The following EVC variants were observed in gnomAD, a reference collection of about 807,000 sequenced individuals.
EVC encodes the protein evC complex member EVC.
EVC carries 116 observed loss-of-function variants against 118.9 expected under a neutral mutation model. The ratio of observed to expected loss-of-function variants is 0.98; its 90% CI spans 0.84 to 1.14. The LOEUF is 1.14. Ranked by LOEUF, EVC falls within the 50% of genes most tolerant of loss-of-function variation. The probability of loss-of-function intolerance (pLI) is 0.00; values close to 1 mark genes in which losing one functional copy is unlikely to be tolerated. For synonymous variants in EVC, 619 were observed against 534.7 expected (o/e 1.16, Z -2.18); for missense variants, 1,401 against 1,246.4 (o/e 1.12, Z -1.87).
intron 11 of EVC, among the ~76,000 whole-genome samples, chr4:5,778,173 AT>A (rs1197591743): frequency 7.3e-5 from 11 of 151,332 alleles, no homozygotes; most frequent in Non-Finnish European, 1.3e-4. Context: ...TGAACTCATC[AT>A]TTTTTATGGC....
intron 6 of EVC, among the ~76,000 whole-genome samples, chr4:5,744,934 G>A (rs1323139562): frequency 1.3e-5 from 2 of 150,248 alleles, no homozygotes; most frequent in Non-Finnish European, 3.0e-5. Flanking sequence ...ATGATTGAAA[G>A]ATACTATTTT....
At position 5,738,800 on chromosome 4, in the gene EVC, T is replaced by G. The variant is rs1332317175; in HGVS notation, c.703-2916T>G. On this transcript the variant is annotated intron_variant, in intron 5 of 20. Coordinates refer to ENST00000264956, the MANE Select transcript of EVC (RefSeq NM_153717.3). The surrounding 1 kb of genome is among the most constrained non-coding windows in gnomAD (Gnocchi z 6.5). ...CAGGATGGGTCTCAATCTCTTGACC[T>G]TGTGATCCACCTGCCTCCGCCTCCC... is the stretch of plus-strand genomic sequence containing the variant. 6.6e-6 allele frequency among the ~76,000 whole-genome samples: 1 copy of G among 152,030 alleles called. No homozygotes were observed. The highest frequency in any genetic ancestry group is 1.5e-5 in the Non-Finnish European group (1 of 68,006).
chr4:5,734,024 CTG>C (rs901021459), intron 5 of EVC, among the ~76,000 whole-genome samples: 24 of 152,142 alleles, frequency 1.6e-4, no homozygotes, highest in Non-Finnish European at 1.0e-4. Flanking sequence ...GAACTCAGAA[CTG>C]TGGATGTGGG....
chr4:5,811,194 A>C lies in EVC; in HGVS notation c.*157A>C. 1.2e-5 allele frequency: 8 copies of C among 667,488 alleles called. 1 individual carries two copies. In the South Asian group the frequency reaches 1.4e-4, roughly 11 times the overall value. The allele number at this position is 667,488 out of a possible 1,614,324, so 41.3% of individuals were successfully genotyped here. On this transcript the variant is annotated 3_prime_UTR_variant, in exon 21 of 21. Transcript: ENST00000264956. Reference sequence around the variant, plus strand: ...AGAGAAAGAATAGAAATGTGCCCTAAAAGCATAAATGAGTATCACCTGAGA... The same window carrying C: ...AGAGAAAGAATAGAAATGTGCCCTACAAGCATAAATGAGTATCACCTGAGA...
At chr4:5,750,839 G>A (rs1366045884) in intron 8 of EVC, among the ~76,000 whole-genome samples, 3 of 152,140 alleles carry the variant, frequency 2.0e-5, no homozygotes, top group South Asian at 4.1e-4. Context: ...ATAGAAGAGG[G>A]ATGGATTCAC....
At chr4:5,806,486 C>A (rs1489257974) in intron 17 of EVC, among the ~76,000 whole-genome samples, 2 of 152,118 alleles carry the variant, frequency 1.3e-5, no homozygotes. Flanking sequence ...AGAAAATGGC[C>A]TCCAGTTCCA....
Position 5,711,485 on chromosome 4 carries a change from C to T in EVC, c.105C>T (p.Gly35=), listed in dbSNP as rs745558003. The T allele has an allele frequency of 7.2e-6, 8 of 1,106,692 alleles. No homozygotes were observed. Among genetic ancestry groups the T allele is most frequent in the Non-Finnish European group, 8.8e-6 (8 of 910,270 alleles). 68.6% of individuals were successfully genotyped at this position (1,106,692 alleles called of 1,614,324 possible). A position where few individuals can be genotyped will look rare whatever the true frequency, so the allele number is the denominator to read the frequency against. ...PALLAPAVLL[G]AALGLGLGLW... Reference sequence around the variant, plus strand: ...TGCTGGCCCCCGCCGTGCTGCTGGGCGCCGCGCTCGGCCTCGGCCTCGGCC... The same window carrying T: ...TGCTGGCCCCCGCCGTGCTGCTGGGTGCCGCGCTCGGCCTCGGCCTCGGCC... Residue 35 remains glycine (G), a synonymous_variant, in exon 1 of 21, where the codon GGC becomes GGT. Coordinates refer to ENST00000264956, the MANE Select transcript of EVC (RefSeq NM_153717.3).
intron 11 of EVC, among the ~76,000 whole-genome samples, chr4:5,782,924 A>C (rs1269415012): frequency 6.6e-6 from 1 of 152,170 alleles, no homozygotes; most frequent in Non-Finnish European, 1.5e-5. Flanking sequence ...GATGGTTTTG[A>C]GGAGATGCCA....
chr4:5,727,719 G>A (rs556160306), intron 2 of EVC, among the ~76,000 whole-genome samples: 164 of 152,048 alleles, frequency 1.1e-3, no homozygotes, highest in Non-Finnish European at 1.3e-3. Flanking sequence ...TAACGTTTAA[G>A]TCTTTAATCC....
At position 5,797,345 on chromosome 4, in the gene EVC, G is replaced by A. The variant is rs909040386; in HGVS notation, c.2097+113G>A. On this transcript the variant is annotated intron_variant, in intron 14 of 20. Coordinates refer to ENST00000264956, the MANE Select transcript of EVC (RefSeq NM_153717.3). ...AATCCTATCACCCTTGGTGCTGCAG[G>A]GTGCGGTATTCATTCGCCGGGGCTG... 6 of 928,292 alleles carry A rather than the reference G, an allele frequency of 6.5e-6. No individual in the cohort carries two copies. In the South Asian group the frequency reaches 7.0e-5, roughly 11 times the overall value. The allele number at this position is 928,292 out of a possible 1,614,324, so 57.5% of individuals were successfully genotyped here.
At chr4:5,728,922 G>A (rs1260162789) in intron 2 of EVC, among the ~76,000 whole-genome samples, 1 of 152,130 alleles carries the variant, frequency 6.6e-6, no homozygotes, top group South Asian at 2.1e-4. Context: ...GCATTTGTCT[G>A]TTCATCCATC....
chr4:5,740,535 A>T (rs1420303756), intron 5 of EVC, among the ~76,000 whole-genome samples: 1 of 152,104 alleles, frequency 6.6e-6, no homozygotes, highest in Non-Finnish European at 1.5e-5. Context: ...AGACCTAGGC[A>T]AAGAGTTTTT....
chr4:5,802,982 C>T (rs1715273944), intron 16 of EVC, among the ~76,000 whole-genome samples: 1 of 152,152 alleles, frequency 6.6e-6, no homozygotes, highest in Admixed American at 6.5e-5. Context: ...AAGAGACAGA[C>T]ACCTACTTAG....
chr4:5,796,649 C>T (rs1331024839), intron 13 of EVC, among the ~76,000 whole-genome samples: 1 of 152,098 alleles, frequency 6.6e-6, no homozygotes, highest in South Asian at 2.1e-4. Context: ...AAATGTTGAA[C>T]CTCTCTGGCA....
chr4:5,764,730 T>C (rs201398765), intron 11 of EVC, among the ~76,000 whole-genome samples: 50,783 of 141,824 alleles, frequency 0.36, 8,906 homozygotes, highest in Admixed American at 0.46. Flanking sequence ...TTTGTATTTC[T>C]GTGGGATCGG....
chr4:5,728,993 C>T (rs1726324692), intron 2 of EVC, among the ~76,000 whole-genome samples: 1 of 152,106 alleles, frequency 6.6e-6, no homozygotes, highest in African/African-American at 2.4e-5. Context: ...TTCATTCACC[C>T]ATCTGTCTGT....
rs1730087043 is a variant in EVC, at chr4:5,749,886, A to G, written c.1098+1580A>G. Among the ~76,000 whole-genome samples, 1 of 152,042 alleles carries G rather than the reference A, an allele frequency of 6.6e-6. No homozygotes were observed. The highest frequency in any genetic ancestry group is 6.5e-5 in the Admixed American group (1 of 15,268). ...CTCTCCCAATCCGCTCTGCTCCTCC[A>G]GGTGTGATCCACAGACCACAGCATC... On this transcript the variant is annotated intron_variant, in intron 8 of 20. Coordinates refer to ENST00000264956, the MANE Select transcript of EVC (RefSeq NM_153717.3). The surrounding 1 kb of genome is among the most constrained non-coding windows in gnomAD (Gnocchi z 4.4).
intron 5 of EVC, among the ~76,000 whole-genome samples, chr4:5,733,859 G>C (rs1727246725): frequency 1.3e-5 from 2 of 152,158 alleles, no homozygotes; most frequent in Admixed American, 6.5e-5. Flanking sequence ...CAACCCAGAG[G>C]GGCGGGTGTC....
chr4:5,752,826 C>G lies in EVC; in HGVS notation c.1099-10C>G. ...ACCCCAGCTATGGTCCTGTGTGTTT[C>G]TTTTTGCAGGACGCCCTGGAGAGGA... On this transcript the variant is annotated splice_polypyrimidine_tract_variant and intron_variant, in intron 8 of 20. Transcript: ENST00000264956. The G allele has an allele frequency of 1.2e-6, 2 of 1,614,138 alleles. No individual in the cohort carries two copies. Among genetic ancestry groups the G allele is most frequent in the Non-Finnish European group, 1.7e-6 (2 of 1,179,942 alleles).
Sources: gnomAD v4.1 joint callset for allele counts (sites outside exome capture counted in the v4.1 genomes callset) on GRCh38, gnomAD v4.1.1 for gene constraint, Gnocchi (gnomAD v3.1) non-coding constraint, MANE v1.5 for transcripts, NCBI Gene and HGNC (gene_info 2026-07-23, HGNC 2026-07-21) for gene names.